LSAMP: variants seen among roughly 807,000 people sequenced by gnomAD.
LSAMP encodes limbic system-associated membrane protein.
In LSAMP, 7 loss-of-function variants were observed where a neutral mutation model predicts 38.6. The ratio of observed to expected loss-of-function variants is 0.18; its 90% confidence interval spans 0.10 to 0.34. The LOEUF (loss-of-function observed/expected upper bound fraction) is 0.34. Among genes scored for constraint, LSAMP ranks in the 10% least tolerant of loss-of-function variants. The pLI is 1.00. For synonymous variants in LSAMP, 154 were observed against 166.8 expected (o/e 0.92, Z 0.59); for missense variants, 313 against 420.0 (o/e 0.75, Z 2.23).
chr3:116,153,416 C>T (rs1156291668), intron 1 of LSAMP, among the ~76,000 whole-genome samples: 1 of 152,090 alleles, frequency 6.6e-6, no homozygotes, highest in Non-Finnish European at 1.5e-5. Context: ...ATGCCACATG[C>T]TATGGAGAGC....
chr3:116,302,274 G>A (rs1166134600), intron 1 of LSAMP, among the ~76,000 whole-genome samples: 1 of 152,162 alleles, frequency 6.6e-6, no homozygotes, highest in East Asian at 1.9e-4. Context: ...AGGCAAAATT[G>A]TATATAAGTA....
At chr3:116,346,458 A>G (rs1047090423) in intron 1 of LSAMP, among the ~76,000 whole-genome samples, 1 of 151,906 alleles carries the variant, frequency 6.6e-6, no homozygotes, top group African/African-American at 2.4e-5. Flanking sequence ...TGTCCACAGT[A>G]GCTGAGACCA....
intron 1 of LSAMP, among the ~76,000 whole-genome samples, chr3:116,189,235 G>A (rs1283360569): frequency 1.3e-5 from 2 of 152,204 alleles, no homozygotes; most frequent in Non-Finnish European, 2.9e-5. Context: ...AGAGACCTAA[G>A]TGGTGGTCTA....
intron 3 of LSAMP, among the ~76,000 whole-genome samples, chr3:115,999,304 C>G (rs922416039): frequency 6.6e-6 from 1 of 152,120 alleles, no homozygotes; most frequent in African/African-American, 2.4e-5. Flanking sequence ...TATCAGTGTT[C>G]CCCTTGTCTT....
intron 1 of LSAMP, among the ~76,000 whole-genome samples, chr3:116,233,437 T>C (rs936070202): frequency 7.8e-5 from 9 of 115,284 alleles, no homozygotes; most frequent in African/African-American, 2.5e-4. Flanking sequence ...AAAAAAAAGA[T>C]GGACTAGGTA....
Position 116,040,707 on chromosome 3 carries a change from G to A in LSAMP, c.389-21067C>T, listed in dbSNP as rs184526183. 3.0e-3 allele frequency among the ~76,000 whole-genome samples: 456 copies of A among 152,278 alleles called. 7 individuals carry two copies. Among genetic ancestry groups the A allele is most frequent in the Non-Finnish European group, 9.6e-4 (65 of 68,024 alleles). ...GCAGCTTCATGTTAGGAAACCTGAA[G>A]TGGCTAGAGTAAATGAGGTCACTTT... On this transcript the variant is annotated intron_variant, in intron 2 of 6. Coordinates refer to ENST00000490035, the MANE Select transcript of LSAMP (RefSeq NM_002338.5).
chr3:116,099,496 A>G (rs2222827), intron 1 of LSAMP, among the ~76,000 whole-genome samples: 37,086 of 152,048 alleles, frequency 0.24, 5,384 homozygotes, highest in African/African-American at 0.41. Context: ...TTTTGTTGAA[A>G]TCTTAATATT....
At chr3:116,218,017 G>A (rs2046240962) in intron 1 of LSAMP, among the ~76,000 whole-genome samples, 1 of 152,164 alleles carries the variant, frequency 6.6e-6, no homozygotes, top group South Asian at 2.1e-4. Flanking sequence ...TTTTCAGCAT[G>A]TGAAGTTGCT....
chr3:116,057,426 A>G (rs1278366570), intron 2 of LSAMP, among the ~76,000 whole-genome samples: 1 of 152,222 alleles, frequency 6.6e-6, no homozygotes, highest in Non-Finnish European at 1.5e-5. Flanking sequence ...TTGTCATACA[A>G]CTTGACCTCC....
chr3:115,991,255 T>C (rs1439572216), intron 3 of LSAMP, among the ~76,000 whole-genome samples: 2 of 152,104 alleles, frequency 1.3e-5, no homozygotes, highest in African/African-American at 4.8e-5. Context: ...ACTCACAGTA[T>C]AGCAGTTTGA....
chr3:115,997,475 C>T (rs1021989097), intron 3 of LSAMP, among the ~76,000 whole-genome samples: 8 of 151,596 alleles, frequency 5.3e-5, no homozygotes, highest in African/African-American at 1.9e-4. Context: ...TGATCAGAGA[C>T]AGCTTTCTTT....
intron 1 of LSAMP, among the ~76,000 whole-genome samples, chr3:116,381,180 T>C (rs1383039836): frequency 6.6e-6 from 1 of 152,106 alleles, no homozygotes; most frequent in African/African-American, 2.4e-5. Flanking sequence ...GCTTGTTTTA[T>C]AGAAAATATT....
At chr3:116,396,364 T>G (rs2048767594) in intron 1 of LSAMP, among the ~76,000 whole-genome samples, 1 of 152,200 alleles carries the variant, frequency 6.6e-6, no homozygotes, top group Non-Finnish European at 1.5e-5. Flanking sequence ...ATTCGCCTCT[T>G]TTTTGTAACT....
intron 6 of LSAMP, among the ~76,000 whole-genome samples, chr3:115,830,393 A>G (rs1026160488): frequency 1.3e-5 from 2 of 152,254 alleles, no homozygotes; most frequent in Non-Finnish European, 2.9e-5. Flanking sequence ...ATATCTAATG[A>G]ACATGAATGT....
chr3:116,082,010 T>C (rs59092560), intron 2 of LSAMP, among the ~76,000 whole-genome samples: 17,438 of 152,182 alleles, frequency 0.11, 3,224 homozygotes, highest in African/African-American at 0.39. Context: ...ATTGAAAATA[T>C]GATAAAAGAT....
intron 3 of LSAMP, among the ~76,000 whole-genome samples, chr3:115,955,657 GC>G (rs368941943): frequency 7.7e-4 from 118 of 152,306 alleles, no homozygotes; most frequent in African/African-American, 2.7e-3. Flanking sequence ...GTGTGTGTGT[GC>G]CCTGTGTGTT....
intron 2 of LSAMP, among the ~76,000 whole-genome samples, chr3:116,029,220 A>C (rs1054408768): frequency 2.6e-5 from 4 of 152,176 alleles, no homozygotes; most frequent in African/African-American, 9.7e-5. Flanking sequence ...TACAACTGGC[A>C]GTGAGAATAT....
chr3:115,879,448 G>A (rs1384866112), intron 3 of LSAMP, among the ~76,000 whole-genome samples: 3 of 152,086 alleles, frequency 2.0e-5, no homozygotes, highest in African/African-American at 7.2e-5. Context: ...TGACTAATAT[G>A]GGTTTTATAA....
chr3:116,233,237 C>A (rs1213168820), intron 1 of LSAMP, among the ~76,000 whole-genome samples: 1 of 151,720 alleles, frequency 6.6e-6, no homozygotes, highest in Non-Finnish European at 1.5e-5. Context: ...CACAGTGCAA[C>A]CCCGTCTCTA....
Sources: gnomAD v4.1 joint callset for allele counts (sites outside exome capture counted in the v4.1 genomes callset) on GRCh38, gnomAD v4.1.1 for gene constraint, MANE v1.5 for transcripts, NCBI Gene and HGNC (gene_info 2026-07-23, HGNC 2026-07-21) for gene names.